Variants in HLA-DMB observed in about 807,000 individuals in gnomAD.
HLA-DMB encodes major histocompatibility complex, class II, DM beta.
A neutral mutation model predicts 29.3 loss-of-function variants in HLA-DMB; 18 were observed. The observed-to-expected ratio is 0.62, with a 90% CI of 0.43 to 0.91. HLA-DMB has a LOEUF of 0.91. Ranked by LOEUF, HLA-DMB falls within the 40% of genes least tolerant of loss-of-function variation. HLA-DMB has a pLI of 0.00. For synonymous variants in HLA-DMB, 143 were observed against 128.7 expected, an observed-to-expected ratio of 1.11 and a Z score of -0.75; for missense variants, 258 against 320.9, an observed-to-expected ratio of 0.80 and a Z score of 1.50.
chr6:32,937,710 G>T lies in HLA-DMB; in HGVS notation c.338-254C>A. 1.8e-6 allele frequency: 1 copy of T among 543,660 alleles called. No individual in the cohort carries two copies. The highest frequency in any genetic ancestry group is 3.3e-6 in the Non-Finnish European group (1 of 307,446). The allele number at this position is 543,660 out of a possible 1,614,324, so 33.7% of individuals were successfully genotyped here. ...TTATGTTTGATTACAATTAGTAAAA[G>T]CCAGATCTGAACTGCAAGCTGTTCT... is the stretch of plus-strand genomic sequence containing the variant. On this transcript the variant is annotated intron_variant, in intron 2 of 5. Coordinates refer to ENST00000418107, the MANE Select transcript of HLA-DMB (RefSeq NM_002118.5). The surrounding 1 kb of genome is among the most constrained non-coding windows in gnomAD (Gnocchi z 4.1).
Position 32,937,775 on chromosome 6 carries a change from G to A in HLA-DMB, c.338-319C>T, listed in dbSNP as rs1252876172. The A allele has an allele frequency of 5.8e-6, 2 of 346,930 alleles. No homozygotes were observed. Among genetic ancestry groups the A allele is most frequent in the Non-Finnish European group, 1.0e-5 (2 of 191,630 alleles). The allele number at this position is 346,930 out of a possible 1,614,324, so 21.5% of individuals were successfully genotyped here. The stretch of plus-strand genomic sequence containing the variant: ...TTATTTCAAGTACATAAACTGGAAA[G>A]TATTTGAAATAAGGAAGCTAAGAGT... On this transcript the variant is annotated intron_variant, in intron 2 of 5. Coordinates refer to ENST00000418107, the MANE Select transcript of HLA-DMB (RefSeq NM_002118.5). This position sits in a 1 kb window ranked among gnomAD's most constrained non-coding sequence, Gnocchi z 4.1.
chr6:32,937,013 C>T lies in HLA-DMB; in HGVS notation c.622+159G>A. On this transcript the variant is annotated intron_variant, in intron 3 of 5. Transcript: ENST00000418107. This position sits in a 1 kb window ranked among gnomAD's most constrained non-coding sequence, Gnocchi z 4.1. ...TGCACCAACCTAAATATTTCCATTT[C>T]TTTATCCCATTTCCCCATTCTGGTC... The T allele has an allele frequency of 1.9e-6, 1 of 530,398 alleles. No homozygotes were observed. The allele number at this position is 530,398 out of a possible 1,614,324, so 32.9% of individuals were successfully genotyped here. A position where few individuals can be genotyped will look rare whatever the true frequency, so the allele number is the denominator to read the frequency against.
chr6:32,937,219 C>T lies in HLA-DMB; in HGVS notation c.575G>A (p.Cys192Tyr). 8 of 1,611,730 alleles carry T rather than the reference C, an allele frequency of 5.0e-6. No individual in the cohort carries two copies. Among genetic ancestry groups the T allele is most frequent in the Non-Finnish European group, 6.8e-6 (8 of 1,178,248 alleles). Residue 192 changes from cysteine (C) to tyrosine (Y), a missense_variant, in exon 3 of 6, where the codon TGT becomes TAT. Cys to Tyr is a radical substitution (Grantham distance 194). Coordinates refer to ENST00000418107, the MANE Select transcript of HLA-DMB (RefSeq NM_002118.5). This position sits in a 1 kb window ranked among gnomAD's most constrained non-coding sequence, Gnocchi z 4.1. ...AGGAGCCCCAGTGTGCTCTACCACA[C>T]AGGTGTAAGTGTCCCCGTAAGAGGG... ...LTPSYGDTYT[C>Y]VVEHTGAPEP...
rs1444294352 is a variant in HLA-DMB, at chr6:32,937,205, T to C, written c.589A>G (p.Thr197Ala). The change falls in exon 3 of 6, where the codon ACT (threonine) becomes GCT (alanine). Residue 197 changes from threonine to alanine, a missense_variant. Transcript: ENST00000418107. The surrounding 1 kb of genome is among the most constrained non-coding windows in gnomAD (Gnocchi z 4.1). The stretch of plus-strand genomic sequence containing the variant: ...CGAAGGATGGGCTCAGGAGCCCCAG[T>C]GTGCTCTACCACACAGGTGTAAGTG... Reference protein sequence around the residue: ...GDTYTCVVEHTGAPEPILRDW... With the variant: ...GDTYTCVVEHAGAPEPILRDW... The C allele has an allele frequency of 1.2e-5, 20 of 1,605,620 alleles. No individual in the cohort carries two copies. The highest frequency in any genetic ancestry group is 1.7e-5 in the Non-Finnish European group (20 of 1,173,622).
At chr6:32,935,940 CT>C (rs1055908854) in intron 3 of HLA-DMB, 38 of 473,256 alleles carry the variant, frequency 8.0e-5, no homozygotes, top group Middle Eastern at 5.6e-4. Context: ...TCTTTCCTTC[CT>C]TTACCCCAAA....
Position 32,935,372 on chromosome 6 carries a change from T to C in HLA-DMB, c.745A>G (p.Thr249Ala), listed in dbSNP as rs779275615. ...SWRRAGHSSY[T>A]PLPGSNYSEG... is the part of the protein sequence containing the mutation. ...GAATAATTGGACCCAGGAAGAGGAG[T>C]GTAACCTAAGAGAGGAAGATACTTG... Residue 249 changes from threonine to alanine, a missense_variant, in exon 5 of 6, where the codon ACT becomes GCT. Transcript: ENST00000418107. 6.2e-7 allele frequency: 1 copy of C among 1,609,690 alleles called. No homozygotes were observed. The highest frequency in any genetic ancestry group is 8.5e-7 in the Non-Finnish European group (1 of 1,177,350).
chr6:32,938,508 C>T (rs1270514795), intron 2 of HLA-DMB, 176 bp downstream of exon 2: 18 of 577,568 alleles, frequency 3.1e-5, no homozygotes, highest in Middle Eastern at 5.4e-4. Flanking sequence ...GTTCCACTCA[C>T]GTCAGCCACC....
rs1776094010 is a variant in HLA-DMB, at chr6:32,937,726, A to C, written c.338-270T>G. 3.9e-6 allele frequency: 2 copies of C among 512,478 alleles called. No homozygotes were observed. The highest frequency in any genetic ancestry group is 7.1e-5 in the Admixed American group (2 of 28,128). The allele number at this position is 512,478 out of a possible 1,614,324, so 31.7% of individuals were successfully genotyped here. A position where few individuals can be genotyped will look rare whatever the true frequency, so the allele number is the denominator to read the frequency against. On this transcript the variant is annotated intron_variant, in intron 2 of 5. Transcript: ENST00000418107. This position sits in a 1 kb window ranked among gnomAD's most constrained non-coding sequence, Gnocchi z 4.1. ...TTAGTAAAAGCCAGATCTGAACTGCAAGCTGTTCTAGAAGTTGTTGTATTT... is the reference window on the plus strand; with the variant it reads ...TTAGTAAAAGCCAGATCTGAACTGCCAGCTGTTCTAGAAGTTGTTGTATTT...
chr6:32,937,303 T>C lies in HLA-DMB; in HGVS notation c.491A>G (p.Lys164Arg), dbSNP rs1239456504. 1 of 1,614,196 alleles carries C rather than the reference T, an allele frequency of 6.2e-7. No individual in the cohort carries two copies. Among genetic ancestry groups the C allele is most frequent in the East Asian group, 2.2e-5 (1 of 44,870 alleles). ...KLVMPHSSAH[K>R]TAQPNGDWTY... ...CCAGTCTCCATTGGGCTGGGCAGTC[T>C]TGTGCGCACTGCTGTGAGGCATGAC... is the stretch of plus-strand genomic sequence containing the variant. Residue 164 changes from lysine (K) to arginine (R), a missense_variant, in exon 3 of 6, where the codon AAG becomes AGG. Coordinates refer to ENST00000418107, the MANE Select transcript of HLA-DMB (RefSeq NM_002118.5). The surrounding 1 kb of genome is among the most constrained non-coding windows in gnomAD (Gnocchi z 4.1).
At position 32,937,632 on chromosome 6, in the gene HLA-DMB, CT is replaced by C. The variant is rs748252348; in HGVS notation, c.338-177del. ...CGTTAGAATGTATTCCTGCATTACTCTTTCTTCTCTCCCATTCCTTCATTGC... is the reference window on the plus strand; with the variant it reads ...CGTTAGAATGTATTCCTGCATTACTCTTCTTCTCTCCCATTCCTTCATTGC... On this transcript the variant is annotated intron_variant, in intron 2 of 5. Transcript: ENST00000418107. This position sits in a 1 kb window ranked among gnomAD's most constrained non-coding sequence, Gnocchi z 4.1. 1.7e-6 allele frequency: 1 copy of C among 592,970 alleles called. No individual in the cohort carries two copies. Among genetic ancestry groups the C allele is most frequent in the Non-Finnish European group, 3.0e-6 (1 of 335,908 alleles). The allele number at this position is 592,970 out of a possible 1,614,324, so 36.7% of individuals were successfully genotyped here. A position where few individuals can be genotyped will look rare whatever the true frequency, so the allele number is the denominator to read the frequency against.
intron 5 of HLA-DMB, 40 bp downstream of exon 5, chr6:32,935,302 C>T: frequency 6.4e-7 from 1 of 1,572,894 alleles, no homozygotes; most frequent in Non-Finnish European, 8.7e-7. Context: ...CGCACCCCTA[C>T]CAAAGGGCAA....
chr6:32,938,822 C>G lies in HLA-DMB; in HGVS notation c.199G>C (p.Gly67Arg), dbSNP rs1483405495. The G allele has an allele frequency of 1.9e-6, 3 of 1,612,150 alleles. No individual in the cohort carries two copies. Among genetic ancestry groups the G allele is most frequent in the African/African-American group, 1.3e-5 (1 of 74,984 alleles). ...ACATTCGCCAAGCTATTCAGCACCCCAAATTCGCAAGGGGCCATCTTATTC... is the reference window on the plus strand; with the variant it reads ...ACATTCGCCAAGCTATTCAGCACCCGAAATTCGCAAGGGGCCATCTTATTC... ...EENKMAPCEF[G>R]VLNSLANVLS... The change falls in exon 2 of 6, where the codon GGG becomes CGG. Residue 67 changes from glycine to arginine, a missense_variant. Gly to Arg is a moderately radical substitution (Grantham distance 125). Coordinates refer to ENST00000418107, the MANE Select transcript of HLA-DMB (RefSeq NM_002118.5).
Position 32,940,876 on chromosome 6 carries a change from G to A in HLA-DMB, c.-69C>T, listed in dbSNP as rs1776321315. 2 of 1,258,322 alleles carry A rather than the reference G, an allele frequency of 1.6e-6. No individual in the cohort carries two copies. Among genetic ancestry groups the A allele is most frequent in the Non-Finnish European group, 2.3e-6 (2 of 884,798 alleles). 77.9% of individuals were successfully genotyped at this position (1,258,322 alleles called of 1,614,324 possible). ...GCTCTTCCAGGGTCCGTGGGTCCTCGCCTGTCCCAGAAGCCCCAGCCTGGG... is the reference window on the plus strand; with the variant it reads ...GCTCTTCCAGGGTCCGTGGGTCCTCACCTGTCCCAGAAGCCCCAGCCTGGG... On this transcript the variant is annotated 5_prime_UTR_variant, in exon 1 of 6. Transcript: ENST00000418107.
chr6:32,936,487 T>G (rs1776001590), intron 3 of HLA-DMB: 1 of 152,448 alleles, frequency 6.6e-6, no homozygotes, highest in Admixed American at 6.5e-5. Flanking sequence ...CTCTTTCTTT[T>G]CCAAGAGTCC....
chr6:32,935,257 A>G (rs1380316595), intron 5 of HLA-DMB, 85 bp downstream of exon 5: 1 of 1,098,958 alleles, frequency 9.1e-7, no homozygotes, highest in Non-Finnish European at 1.4e-6. Context: ...TATAATAATC[A>G]AGATTAGTTG....
In HLA-DMB at chr6:32,937,105, C is replaced by T. The variant is rs1489693039; in HGVS notation, c.622+67G>A. 2.1e-5 allele frequency: 30 copies of T among 1,397,430 alleles called. No homozygotes were observed. Among genetic ancestry groups the T allele is most frequent in the Non-Finnish European group, 2.9e-5 (30 of 1,019,866 alleles). 86.6% of individuals were successfully genotyped at this position (1,397,430 alleles called of 1,614,324 possible). ...CAGCACTTCGCTGTCTACCATGTAC[C>T]ATGTATCGATCCACATCTCATTTTC... On this transcript the variant is annotated intron_variant, in intron 3 of 5. Coordinates refer to ENST00000418107, the MANE Select transcript of HLA-DMB (RefSeq NM_002118.5). The surrounding 1 kb of genome is among the most constrained non-coding windows in gnomAD (Gnocchi z 4.1).
chr6:32,935,466 T>C, intron 4 of HLA-DMB, 70 bp downstream of exon 4: 2 of 1,499,732 alleles, frequency 1.3e-6, no homozygotes, highest in Non-Finnish European at 9.3e-7. Flanking sequence ...AAGGAGAGAG[T>C]TAATCACAAA....
chr6:32,936,206 G>C (rs147099971), intron 3 of HLA-DMB: 1 of 154,176 alleles, frequency 6.5e-6, no homozygotes, highest in African/African-American at 2.4e-5. Context: ...GGCCGGTCCT[G>C]TTCTGAATCA....
Position 32,935,517 on chromosome 6 carries a change from A to T in HLA-DMB, c.739+19T>A, listed in dbSNP as rs192338371. ...GAGTGGGACCAAGAGTGGGGATGGG[A>T]GTTCAGCGAGTCACTCACTAGAGTG... On this transcript the variant is annotated intron_variant, in intron 4 of 5. Coordinates refer to ENST00000418107, the MANE Select transcript of HLA-DMB (RefSeq NM_002118.5). The T allele has an allele frequency of 4.3e-4, 684 of 1,585,572 alleles. No homozygotes were observed. In the East Asian group the frequency reaches 0.013, roughly 29 times the overall value.
Sources: allele counts gnomAD v4.1 joint callset, GRCh38; gene constraint gnomAD v4.1.1; non-coding constraint Gnocchi (gnomAD v3.1); transcripts MANE v1.5; gene names NCBI Gene and HGNC (gene_info 2026-07-23, HGNC 2026-07-21).